NOL4: variants seen among roughly 807,000 people sequenced by gnomAD.
The protein encoded by NOL4 is cancer/testis antigen 125.
A neutral mutation model predicts 75.9 loss-of-function variants in NOL4; 17 were observed. The ratio of observed to expected loss-of-function variants is 0.22; its 90% CI spans 0.15 to 0.34. The LOEUF (loss-of-function observed/expected upper bound fraction) is 0.34, where lower values mean the gene tolerates loss of function less well. NOL4 is among the 10% of genes least tolerant of loss of function. The probability of loss-of-function intolerance (pLI) is 1.00; values close to 1 mark genes in which losing one functional copy is unlikely to be tolerated. For synonymous variants in NOL4, 292 were observed against 289.9 expected, an observed-to-expected ratio of 1.01 and a Z score of -0.07; for missense variants, 614 against 793.5, an observed-to-expected ratio of 0.77 and a Z score of 2.72.
At chr18:34,016,449 A>T (rs1212350411) in intron 6 of NOL4, among the ~76,000 whole-genome samples, 1 of 152,070 alleles carries the variant, frequency 6.6e-6, no homozygotes, top group Admixed American at 6.6e-5. Context: ...AGTCCTTAAA[A>T]TGACCTACAT....
At chr18:34,047,803 C>A (rs1379730562) in intron 5 of NOL4, among the ~76,000 whole-genome samples, 1 of 152,012 alleles carries the variant, frequency 6.6e-6, no homozygotes, top group Non-Finnish European at 1.5e-5. Context: ...GACATCCCCC[C>A]AGAACAAAAT....
chr18:34,207,959 T>C (rs866917984), intron 1 of NOL4, among the ~76,000 whole-genome samples: 5 of 152,158 alleles, frequency 3.3e-5, no homozygotes, highest in Middle Eastern at 3.4e-3. Flanking sequence ...TTAGTGAAAA[T>C]GGGAGGAAAA....
In NOL4 at chr18:34,194,462, AGGC is replaced by A. The variant is rs1254517356; in HGVS notation, c.264+28525_264+28527del. ...AAGGAAGGAAGGAAGGAAGGAAGGC[AGGC>A]AGGCAGGCAGGCAGGCAGGCAGGCG... On this transcript the variant is annotated intron_variant, in intron 1 of 10. Transcript: ENST00000261592. Among the ~76,000 whole-genome samples, 73 of 91,628 alleles carry A rather than the reference AGGC, an allele frequency of 8.0e-4. No homozygotes were observed. The East Asian group carries it at 0.012, about 15-fold the overall frequency. 60.1% of individuals were successfully genotyped at this position (91,628 alleles called of 152,430 possible). A position where few individuals can be genotyped will look rare whatever the true frequency, so the allele number is the denominator to read the frequency against.
At chr18:34,089,898 G>T (rs897443169) in intron 5 of NOL4, among the ~76,000 whole-genome samples, 4 of 152,024 alleles carry the variant, frequency 2.6e-5, no homozygotes, top group Admixed American at 6.6e-5. Flanking sequence ...TGTGTTATAT[G>T]AGGTAGGTCC....
chr18:33,988,232 A>G (rs1226627547), intron 6 of NOL4, among the ~76,000 whole-genome samples: 1 of 152,096 alleles, frequency 6.6e-6, no homozygotes, highest in Admixed American at 6.6e-5. Context: ...TAGCCAGAGA[A>G]GTAAAATGCC....
In NOL4 at chr18:33,946,094, T is replaced by G. The variant is rs146585259; in HGVS notation, c.1429-2916A>C. The stretch of plus-strand genomic sequence containing the variant: ...ACTAAAAAAATAAGCAGAACAAAGG[T>G]AGACATGTACATGAATGTGTTATAA... On this transcript the variant is annotated intron_variant, in intron 8 of 10. Coordinates refer to ENST00000261592, the MANE Select transcript of NOL4 (RefSeq NM_003787.5). Among the ~76,000 whole-genome samples the G allele has an allele frequency of 4.0e-3, 609 of 151,784 alleles. 4 individuals carry two copies. Among genetic ancestry groups the G allele is most frequent in the Non-Finnish European group, 6.6e-3 (446 of 67,716 alleles).
chr18:34,004,171 C>T (rs1186762291), intron 6 of NOL4, among the ~76,000 whole-genome samples: 1 of 152,074 alleles, frequency 6.6e-6, no homozygotes, highest in African/African-American at 2.4e-5. Context: ...CAGGAAACCA[C>T]TCCTCTCCCT....
At chr18:34,090,715 G>C (rs1347791143) in intron 5 of NOL4, among the ~76,000 whole-genome samples, 1 of 152,062 alleles carries the variant, frequency 6.6e-6, no homozygotes, top group Non-Finnish European at 1.5e-5. Context: ...GAGGACTAAG[G>C]GTTGACCAAT....
chr18:33,913,554 T>C (rs1490212109), intron 9 of NOL4, among the ~76,000 whole-genome samples: 2 of 152,070 alleles, frequency 1.3e-5, no homozygotes, highest in Admixed American at 1.3e-4. Flanking sequence ...ATGAGGTGAG[T>C]TTAGTATGTG....
At chr18:33,898,616 A>G (rs2065562230) in intron 9 of NOL4, among the ~76,000 whole-genome samples, 1 of 152,148 alleles carries the variant, frequency 6.6e-6, no homozygotes, top group Non-Finnish European at 1.5e-5. Flanking sequence ...GAAAATGACA[A>G]TTCTTGTCAT....
chr18:34,025,868 A>G (rs1282311079), intron 5 of NOL4, among the ~76,000 whole-genome samples: 1 of 152,072 alleles, frequency 6.6e-6, no homozygotes, highest in African/African-American at 2.4e-5. Context: ...TTAGAGGTGA[A>G]TGATTAGAAT....
chr18:34,208,606 A>G (rs181290234), intron 1 of NOL4, among the ~76,000 whole-genome samples: 6 of 152,198 alleles, frequency 3.9e-5, no homozygotes, highest in Middle Eastern at 3.4e-3. Flanking sequence ...ATCCTAGCAC[A>G]GGATTAATCC....
At chr18:34,108,231 C>A (rs1323182693) in intron 2 of NOL4, among the ~76,000 whole-genome samples, 1 of 151,926 alleles carries the variant, frequency 6.6e-6, no homozygotes, top group Admixed American at 6.6e-5. Flanking sequence ...AAAAAGTAAT[C>A]AAAACATACA....
At chr18:34,084,122 G>A (rs997157949) in intron 5 of NOL4, among the ~76,000 whole-genome samples, 1 of 152,158 alleles carries the variant, frequency 6.6e-6, no homozygotes, top group Admixed American at 6.5e-5. Context: ...GAGTCCTGTT[G>A]GGAGGTCTCA....
intron 9 of NOL4, among the ~76,000 whole-genome samples, chr18:33,890,576 T>TA (rs1014387865): frequency 2.6e-5 from 4 of 152,182 alleles, no homozygotes; most frequent in African/African-American, 9.6e-5. Context: ...TGGTTCTCTA[T>TA]AAAAAATGAT....
At chr18:34,023,539 T>G (rs926628807) in intron 5 of NOL4, 3 of 454,966 alleles carry the variant, frequency 6.6e-6, no homozygotes, top group African/African-American at 4.0e-5. Context: ...AGGCGGTGGT[T>G]CTTCTCTCAA....
At chr18:34,215,334 A>C (rs1278137964) in intron 1 of NOL4, among the ~76,000 whole-genome samples, 1 of 152,220 alleles carries the variant, frequency 6.6e-6, no homozygotes, top group Non-Finnish European at 1.5e-5. Flanking sequence ...TTCCATTAAT[A>C]CTGAACATCA....
At chr18:33,940,601 G>T (rs1448270875) in intron 9 of NOL4, among the ~76,000 whole-genome samples, 1 of 151,930 alleles carries the variant, frequency 6.6e-6, no homozygotes, top group African/African-American at 2.4e-5. Context: ...TAATGTAGAT[G>T]ATGGGTTGAT....
chr18:33,947,049 A>G (rs189806227), intron 8 of NOL4, among the ~76,000 whole-genome samples: 186 of 151,884 alleles, frequency 1.2e-3, no homozygotes, highest in Non-Finnish European at 2.2e-3. Flanking sequence ...ACAGGGCTCA[A>G]GTGTGCAGCA....
Sources: allele counts gnomAD v4.1 joint callset (sites outside exome capture counted in the v4.1 genomes callset), GRCh38; gene constraint gnomAD v4.1.1; transcripts MANE v1.5; gene names NCBI Gene and HGNC (gene_info 2026-07-23, HGNC 2026-07-21).